SSBP2: variants seen among roughly 807,000 people sequenced by gnomAD.
SSBP2 encodes single-stranded DNA-binding protein 2.
In SSBP2, 17 loss-of-function variants were observed where a neutral mutation model predicts 61.8. That is an observed-to-expected ratio of 0.28 (90% confidence interval 0.19 to 0.41). The LOEUF is 0.41. Ranked by LOEUF, SSBP2 falls within the 10% of genes least tolerant of loss-of-function variation. The pLI is 1.00. For synonymous variants in SSBP2, 139 were observed against 141.3 expected (o/e 0.98, Z 0.12); for missense variants, 310 against 458.7 (o/e 0.68, Z 2.96).
intron 1 of SSBP2, among the ~76,000 whole-genome samples, chr5:81,695,649 T>C (rs2153851179): frequency 6.6e-6 from 1 of 152,248 alleles, no homozygotes; most frequent in East Asian, 1.9e-4. Context: ...CATTTTATGT[T>C]GAAAATAAAC....
At chr5:81,455,543 C>T (rs1268147111) in intron 10 of SSBP2, among the ~76,000 whole-genome samples, 4 of 89,836 alleles carry the variant, frequency 4.5e-5, no homozygotes, top group Non-Finnish European at 7.4e-5. Flanking sequence ...GGCGTGAACC[C>T]GGGAAGCGGA....
chr5:81,619,465 G>T (rs1362137638), intron 3 of SSBP2, among the ~76,000 whole-genome samples: 1 of 102,806 alleles, frequency 9.7e-6, no homozygotes, highest in Non-Finnish European at 1.9e-5. Context: ...ATAATCAATA[G>T]TTTACCAACC....
chr5:81,600,803 T>C (rs1396434371), intron 4 of SSBP2, among the ~76,000 whole-genome samples: 1 of 152,148 alleles, frequency 6.6e-6, no homozygotes. Flanking sequence ...TTTACCTATT[T>C]TTCTTACTAT....
At chr5:81,634,854 G>C (rs1003576484) in intron 3 of SSBP2, among the ~76,000 whole-genome samples, 3 of 152,088 alleles carry the variant, frequency 2.0e-5, no homozygotes, top group Non-Finnish European at 2.9e-5. Flanking sequence ...TAATGCCTTG[G>C]CTTAGATATC....
chr5:81,503,256 C>A (rs1186715690), intron 5 of SSBP2, among the ~76,000 whole-genome samples: 1 of 152,100 alleles, frequency 6.6e-6, no homozygotes, highest in African/African-American at 2.4e-5. Context: ...AGATCAAGAC[C>A]AACCTGGCCA....
At chr5:81,430,079 GA>G (rs1228247225) in intron 15 of SSBP2, among the ~76,000 whole-genome samples, 2 of 151,880 alleles carry the variant, frequency 1.3e-5, no homozygotes, top group Non-Finnish European at 2.9e-5. Context: ...GATTTCCTGG[GA>G]AAAAAATTAA....
At chr5:81,702,405 A>T (rs190122702) in intron 1 of SSBP2, among the ~76,000 whole-genome samples, 76 of 152,124 alleles carry the variant, frequency 5.0e-4, no homozygotes, top group Non-Finnish European at 9.0e-4. Flanking sequence ...AAATTCTGTA[A>T]TATTTAGAAG....
intron 6 of SSBP2, among the ~76,000 whole-genome samples, chr5:81,479,200 A>G (rs1765803291): frequency 1.3e-5 from 2 of 152,214 alleles, no homozygotes; most frequent in African/African-American, 4.8e-5. Context: ...AAATGTATAC[A>G]TCTGTGACAT....
At chr5:81,712,856 T>C (rs1258188870) in intron 1 of SSBP2, among the ~76,000 whole-genome samples, 3 of 151,698 alleles carry the variant, frequency 2.0e-5, no homozygotes, top group African/African-American at 4.8e-5. Flanking sequence ...CCGCAGCCTC[T>C]GGGACTACAG....
intron 4 of SSBP2, among the ~76,000 whole-genome samples, chr5:81,576,581 T>C (rs1313059746): frequency 6.6e-6 from 1 of 152,092 alleles, no homozygotes; most frequent in Non-Finnish European, 1.5e-5. Context: ...TAAAAGCTCT[T>C]GACTGGGATG....
intron 1 of SSBP2, among the ~76,000 whole-genome samples, chr5:81,739,259 G>T (rs1310517987): frequency 6.7e-6 from 1 of 148,564 alleles, no homozygotes; most frequent in Non-Finnish European, 1.5e-5. Flanking sequence ...TATTTAATCT[G>T]CCAGATTTAT....
intron 4 of SSBP2, chr5:81,615,237 A>G: frequency 2.8e-6 from 1 of 362,374 alleles, no homozygotes; most frequent in Non-Finnish European, 4.9e-6. Flanking sequence ...CTTAAAGATA[A>G]GAAATTTCTT....
At chr5:81,501,860 G>GC (rs1021729784) in intron 5 of SSBP2, among the ~76,000 whole-genome samples, 1 of 151,906 alleles carries the variant, frequency 6.6e-6, no homozygotes, top group South Asian at 2.1e-4. Context: ...ACTGCGCCCT[G>GC]CCCCCTGGTG....
chr5:81,737,562 C>T (rs1040432158), intron 1 of SSBP2, among the ~76,000 whole-genome samples: 1 of 151,906 alleles, frequency 6.6e-6, no homozygotes, highest in Non-Finnish European at 1.5e-5. Context: ...GCAGGCGGAT[C>T]ACGAGGTCAG....
chr5:81,625,879 C>T (rs1224969351), intron 3 of SSBP2, among the ~76,000 whole-genome samples: 3 of 152,090 alleles, frequency 2.0e-5, no homozygotes, highest in South Asian at 2.1e-4. Flanking sequence ...TAGGACTACC[C>T]GACAACAAAA....
At chr5:81,468,946 T>G (rs1765069293) in intron 8 of SSBP2, among the ~76,000 whole-genome samples, 1 of 151,984 alleles carries the variant, frequency 6.6e-6, no homozygotes, top group Non-Finnish European at 1.5e-5. Flanking sequence ...AGGGGGTCTC[T>G]GAGATAAAGA....
In SSBP2 at chr5:81,751,076, C is replaced by G; in HGVS notation, c.-34G>C. 6.4e-7 allele frequency: 1 copy of G among 1,568,234 alleles called. No individual in the cohort carries two copies. Among genetic ancestry groups the G allele is most frequent in the South Asian group, 1.2e-5 (1 of 85,408 alleles). ...CGAGAGCAGCTCCCACTGTCACGCA[C>G]CTGTCAACCCATCACAGCCTCCCCG... On this transcript the variant is annotated 5_prime_UTR_variant, in exon 1 of 17. Coordinates refer to ENST00000320672, the MANE Select transcript of SSBP2 (RefSeq NM_012446.5).
intron 8 of SSBP2, among the ~76,000 whole-genome samples, chr5:81,473,489 G>A (rs748622537): frequency 1.2e-4 from 19 of 152,148 alleles, no homozygotes; most frequent in Non-Finnish European, 2.6e-4. Flanking sequence ...AACACACGGT[G>A]TTTGGTTTTC....
At position 81,416,697 on chromosome 5, in the gene SSBP2, CTAACTGAA is replaced by C. The variant is rs1204215312; in HGVS notation, c.*3799_*3806del. On this transcript the variant is annotated 3_prime_UTR_variant, in exon 17 of 17. Transcript: ENST00000320672. ...TGTTGTCTTTTAAACCACAGAAGTG[CTAACTGAA>C]TAACCCTATGAAATGCAATGGAGTT... The C allele has an allele frequency of 1.3e-5, 2 of 152,172 alleles. No homozygotes were observed. Among genetic ancestry groups the C allele is most frequent in the Non-Finnish European group, 2.9e-5 (2 of 68,034 alleles). The allele number at this position is 152,172 out of a possible 1,614,324, so 9.4% of individuals were successfully genotyped here. A position where few individuals can be genotyped will look rare whatever the true frequency, so the allele number is the denominator to read the frequency against.
Sources: allele counts gnomAD v4.1 joint callset (sites outside exome capture counted in the v4.1 genomes callset), GRCh38; gene constraint gnomAD v4.1.1; transcripts MANE v1.5; gene names NCBI Gene and HGNC (gene_info 2026-07-23, HGNC 2026-07-21).